PLOD2: variants seen among roughly 807,000 people sequenced by gnomAD.
The protein encoded by PLOD2 is procollagen-lysine,2-oxoglutarate 5-dioxygenase 2.
PLOD2 carries 65 observed loss-of-function variants against 101.0 expected under a neutral mutation model. The observed-to-expected ratio is 0.64, with a 90% CI of 0.53 to 0.79. PLOD2 has a LOEUF of 0.79. Ranked by LOEUF, PLOD2 falls within the 30% of genes least tolerant of loss-of-function variation. The pLI is 0.00. For synonymous variants in PLOD2, 314 were observed against 302.9 expected (o/e 1.04, Z -0.38); for missense variants, 909 against 914.6 (o/e 0.99, Z 0.08).
In PLOD2 at chr3:146,161,078, C is replaced by T. The variant is rs987746611; in HGVS notation, c.-89G>A. ...GAGAACGCAGAGACCCGGGTCCGCC[C>T]TGAGCCGCCGATTGCGGGCGGGAGC... On this transcript the variant is annotated 5_prime_UTR_variant, in exon 1 of 20. Coordinates refer to ENST00000282903, the MANE Select transcript of PLOD2 (RefSeq NM_182943.3). The T allele has an allele frequency of 2.2e-5, 18 of 835,284 alleles. No individual in the cohort carries two copies. The African/African-American group carries it at 2.5e-4, about 12-fold the overall frequency. 51.7% of individuals were successfully genotyped at this position (835,284 alleles called of 1,614,324 possible).
In PLOD2 at chr3:146,160,817, A is replaced by G; in HGVS notation, c.109+64T>C. 4.9e-6 allele frequency: 5 copies of G among 1,021,602 alleles called. No individual in the cohort carries two copies. The South Asian group carries it at 6.8e-5, about 14-fold the overall frequency. The allele number at this position is 1,021,602 out of a possible 1,614,324, so 63.3% of individuals were successfully genotyped here. A position where few individuals can be genotyped will look rare whatever the true frequency, so the allele number is the denominator to read the frequency against. On this transcript the variant is annotated intron_variant, in intron 1 of 19. Transcript: ENST00000282903. ...GCCAGCCCCGCGGAAGGGCTGGTGG[A>G]TGAATGAACTGCCCCCCCGCCGGCC...
intron 3 of PLOD2, among the ~76,000 whole-genome samples, chr3:146,118,202 T>C (rs2108084477): frequency 6.6e-6 from 1 of 152,240 alleles, no homozygotes; most frequent in Admixed American, 6.5e-5. Flanking sequence ...GGTATTCTTT[T>C]TCTAAGTGTA....
At chr3:146,076,938 C>A (rs552693350) in intron 14 of PLOD2, 43 bp from the exon 15 acceptor site, 3 of 1,405,930 alleles carry the variant, frequency 2.1e-6, no homozygotes, top group Admixed American at 3.7e-5. Flanking sequence ...GAGGTAGGTA[C>A]AAAAGTAAAT....
intron 16 of PLOD2, among the ~76,000 whole-genome samples, chr3:146,073,060 T>C (rs762312878): frequency 7.3e-5 from 11 of 151,628 alleles, no homozygotes; most frequent in Admixed American, 2.0e-4. Context: ...CTATGACACA[T>C]AGGAGCATGC....
At chr3:146,107,575 A>C (rs1474221282) in intron 4 of PLOD2, among the ~76,000 whole-genome samples, 1 of 150,462 alleles carries the variant, frequency 6.6e-6, no homozygotes, top group Non-Finnish European at 1.5e-5. Context: ...TGAAAACATG[A>C]CCAAAACCAA....
intron 7 of PLOD2, among the ~76,000 whole-genome samples, chr3:146,100,610 G>C (rs1174059530): frequency 6.6e-6 from 1 of 152,216 alleles, no homozygotes; most frequent in Non-Finnish European, 1.5e-5. Flanking sequence ...TGTATGTACA[G>C]AAGATTTGTA....
intron 15 of PLOD2, among the ~76,000 whole-genome samples, chr3:146,074,561 T>C (rs1936264819): frequency 6.6e-6 from 1 of 151,516 alleles, no homozygotes; most frequent in African/African-American, 2.4e-5. Context: ...GGATCAGATT[T>C]CTATATTATC....
intron 1 of PLOD2, among the ~76,000 whole-genome samples, chr3:146,137,247 T>C (rs185223505): frequency 2.0e-5 from 3 of 152,318 alleles, no homozygotes; most frequent in Admixed American, 6.5e-5. Flanking sequence ...ATTGGCTTTA[T>C]AGCACCATTT....
At chr3:146,121,274 C>A (rs761168982) in intron 2 of PLOD2, 26 bp from the exon 3 acceptor site, 11 of 1,606,686 alleles carry the variant, frequency 6.8e-6, no homozygotes, top group Non-Finnish European at 8.5e-6. Context: ...ACATTTCATT[C>A]CTGAGCAAAA....
chr3:146,146,684 T>G (rs1290248689), intron 1 of PLOD2, among the ~76,000 whole-genome samples: 1 of 152,178 alleles, frequency 6.6e-6, no homozygotes, highest in African/African-American at 2.4e-5. Context: ...GAAGCCTATT[T>G]CTGAATTCAA....
chr3:146,085,452 A>G lies in PLOD2; in HGVS notation c.1128-179T>C, dbSNP rs1001506418. The G allele has an allele frequency of 3.9e-5, 23 of 586,404 alleles. No individual in the cohort carries two copies. The Admixed American group carries it at 4.0e-4, about 10-fold the overall frequency. 36.3% of individuals were successfully genotyped at this position (586,404 alleles called of 1,614,324 possible). On this transcript the variant is annotated intron_variant, in intron 10 of 19. Transcript: ENST00000282903. ...ATTGTCTTAAATTTCAAAATGGTCA[A>G]TTTAACACGGATATTCACAGGGAGC...
chr3:146,128,988 C>G (rs1001116020), intron 1 of PLOD2, among the ~76,000 whole-genome samples: 1 of 143,444 alleles, frequency 7.0e-6, no homozygotes, highest in South Asian at 2.2e-4. Context: ...AGCCCAGCTG[C>G]CTTTTATCCA....
chr3:146,087,117 T>C (rs1194251374), intron 9 of PLOD2, among the ~76,000 whole-genome samples: 1 of 152,012 alleles, frequency 6.6e-6, no homozygotes, highest in African/African-American at 2.4e-5. Context: ...ATATCAATAT[T>C]CTTAAAGAGA....
chr3:146,079,246 T>C lies in PLOD2; in HGVS notation c.1370A>G (p.Asn457Ser). Residue 457 changes from asparagine (N) to serine (S), a missense_variant, in exon 13 of 20, where the codon AAT becomes AGT. By Grantham distance (46) the Asn-to-Ser change is conservative (BLOSUM62 1). Transcript: ENST00000282903. ...GTACACATTAGCCATATATGGGACA[T>C]TCCATACTCCTCTGAAAGTAAAGAG... ...IVQGNRVGVW[N>S]VPYMANVYLI... The C allele has an allele frequency of 6.2e-7, 1 of 1,605,112 alleles. No individual in the cohort carries two copies. Among genetic ancestry groups the C allele is most frequent in the Non-Finnish European group, 8.5e-7 (1 of 1,172,200 alleles).
intron 8 of PLOD2, among the ~76,000 whole-genome samples, chr3:146,090,601 A>T (rs1936939878): frequency 6.6e-6 from 1 of 151,704 alleles, no homozygotes; most frequent in Non-Finnish European, 1.5e-5. Context: ...ATATTCTGGC[A>T]TTCTTTGCAG....
In PLOD2 at chr3:146,079,265, T is replaced by C; in HGVS notation, c.1359-8A>G. 5.6e-6 allele frequency: 9 copies of C among 1,598,530 alleles called. No homozygotes were observed. The highest frequency in any genetic ancestry group is 7.7e-6 in the Non-Finnish European group (9 of 1,166,646). On this transcript the variant is annotated splice_polypyrimidine_tract_variant and splice_region_variant and intron_variant, in intron 12 of 19. Transcript: ENST00000282903. ...GGGACATTCCATACTCCTCTGAAAG[T>C]AAAGAGAAGACATTCTTATATACCA...
intron 9 of PLOD2, 101 bp from the exon 10 acceptor site, chr3:146,087,009 C>A: frequency 3.4e-6 from 2 of 594,854 alleles, no homozygotes; most frequent in Admixed American, 6.6e-5. Context: ...ATGAATTCTA[C>A]AATTCAGATA....
At chr3:146,141,487 C>G (rs1559869762) in intron 1 of PLOD2, among the ~76,000 whole-genome samples, 1 of 152,018 alleles carries the variant, frequency 6.6e-6, no homozygotes, top group African/African-American at 2.4e-5. Flanking sequence ...AGATTTAACC[C>G]CTGACTCCAC....
chr3:146,071,078 T>C lies in PLOD2; in HGVS notation c.2085A>G (p.Ile695Met). 3 of 1,609,456 alleles carry C rather than the reference T, an allele frequency of 1.9e-6. No individual in the cohort carries two copies. In the East Asian group the frequency reaches 6.7e-5, roughly 36 times the overall value. Residue 695 changes from isoleucine to methionine, a missense_variant, in exon 19 of 20, where the codon ATA becomes ATG. Coordinates refer to ENST00000282903, the MANE Select transcript of PLOD2 (RefSeq NM_182943.3). Reference sequence around the variant, plus strand: ...CTCCCACGTTATTAAGTGCAATGTTTATGGTAAATGTAGAAGCATCATGAT... The same window carrying C: ...CTCCCACGTTATTAAGTGCAATGTTCATGGTAAATGTAGAAGCATCATGAT... ...RPHHDASTFTINIALNNVGED... is the reference protein window; with the variant it reads ...RPHHDASTFTMNIALNNVGED...
Sources: gnomAD v4.1 joint callset for allele counts (sites outside exome capture counted in the v4.1 genomes callset) on GRCh38, gnomAD v4.1.1 for gene constraint, MANE v1.5 for transcripts, NCBI Gene and HGNC (gene_info 2026-07-23, HGNC 2026-07-21) for gene names.